Variants in MTHFD2L observed in about 807,000 individuals in gnomAD.
The protein encoded by MTHFD2L is bifunctional methylenetetrahydrofolate dehydrogenase/cyclohydrolase 2, mitochondrial.
MTHFD2L carries 29 observed loss-of-function variants against 34.9 expected under a neutral mutation model. The observed-to-expected ratio is 0.83, with a 90% CI of 0.62 to 1.13. MTHFD2L has a LOEUF of 1.13. MTHFD2L is among the 50% of genes most tolerant of loss of function. The probability of loss-of-function intolerance (pLI) is 0.00; values close to 1 mark genes in which losing one functional copy is unlikely to be tolerated. For missense variants in MTHFD2L, 481 were observed against 446.5 expected, an observed-to-expected ratio of 1.08 and a Z score of -0.70; for synonymous variants, 167 against 155.7, an observed-to-expected ratio of 1.07 and a Z score of -0.54.
At chr4:74,258,564 C>A (rs968151391) in intron 6 of MTHFD2L, among the ~76,000 whole-genome samples, 8 of 152,032 alleles carry the variant, frequency 5.3e-5, no homozygotes, top group Non-Finnish European at 1.2e-4. Context: ...GGACTAACTG[C>A]AGGACTTGAG....
intron 3 of MTHFD2L, among the ~76,000 whole-genome samples, chr4:74,185,369 A>G (rs1350984438): frequency 6.6e-6 from 1 of 152,042 alleles, no homozygotes; most frequent in Non-Finnish European, 1.5e-5. Context: ...CATATCTTAG[A>G]AAAGAAAAAA....
At chr4:74,284,142 C>T (rs930645927) in intron 7 of MTHFD2L, among the ~76,000 whole-genome samples, 17 of 151,982 alleles carry the variant, frequency 1.1e-4, no homozygotes, top group African/African-American at 3.4e-4. Flanking sequence ...TGGATGACCC[C>T]GTTAAAAGTA....
At chr4:74,164,654 A>G (rs1726264931) in intron 1 of MTHFD2L, among the ~76,000 whole-genome samples, 2 of 152,246 alleles carry the variant, frequency 1.3e-5, no homozygotes, top group Non-Finnish European at 2.9e-5. Flanking sequence ...TATTCCCATT[A>G]TATAGATGAA....
intron 6 of MTHFD2L, chr4:74,266,705 CTTTTG>C: frequency 3.9e-6 from 1 of 259,100 alleles, no homozygotes; most frequent in Non-Finnish European, 6.0e-6. Flanking sequence ...AAGTGCTAGG[CTTTTG>C]AAATCTTGAA....
At chr4:74,138,055 TTATA>T (rs375143419) in intron 1 of MTHFD2L, among the ~76,000 whole-genome samples, 1 of 149,598 alleles carries the variant, frequency 6.7e-6, no homozygotes. Flanking sequence ...TACATAAATT[TTATA>T]TATATATATA....
intron 1 of MTHFD2L, among the ~76,000 whole-genome samples, chr4:74,142,168 T>C (rs1321285518): frequency 6.6e-6 from 1 of 152,226 alleles, no homozygotes; most frequent in Non-Finnish European, 1.5e-5. Flanking sequence ...AGAGCATAGC[T>C]GCACTACAAA....
At chr4:74,187,115 A>C (rs1401614262) in intron 3 of MTHFD2L, among the ~76,000 whole-genome samples, 3 of 152,222 alleles carry the variant, frequency 2.0e-5, no homozygotes. Context: ...TCAAATGCAA[A>C]AGAATATCTA....
intron 6 of MTHFD2L, among the ~76,000 whole-genome samples, chr4:74,240,594 C>T (rs187616051): frequency 6.6e-6 from 1 of 152,200 alleles, no homozygotes; most frequent in African/African-American, 2.4e-5. Context: ...CACAGTCATG[C>T]ATACACACTC....
At chr4:74,262,405 A>G (rs1728366593) in intron 6 of MTHFD2L, among the ~76,000 whole-genome samples, 1 of 151,942 alleles carries the variant, frequency 6.6e-6, no homozygotes, top group African/African-American at 2.4e-5. Context: ...CTGGAGGTAT[A>G]TATATATAAT....
At chr4:74,148,119 C>T (rs1312777212) in intron 1 of MTHFD2L, among the ~76,000 whole-genome samples, 1 of 152,024 alleles carries the variant, frequency 6.6e-6, no homozygotes, top group Non-Finnish European at 1.5e-5. Flanking sequence ...ATTGAAAAGA[C>T]TACCTTTTCC....
chr4:74,223,883 T>C (rs1052635842), intron 5 of MTHFD2L, among the ~76,000 whole-genome samples: 6 of 152,138 alleles, frequency 3.9e-5, no homozygotes, highest in African/African-American at 1.4e-4. Flanking sequence ...TGTAGTCATC[T>C]ATTAAGTTAA....
intron 3 of MTHFD2L, 127 bp from the exon 4 acceptor site, chr4:74,199,667 A>G: frequency 1.4e-6 from 1 of 735,408 alleles, no homozygotes; most frequent in Non-Finnish European, 2.1e-6. Flanking sequence ...AATAATAATA[A>G]TAATGACTTT....
intron 3 of MTHFD2L, among the ~76,000 whole-genome samples, chr4:74,197,329 C>G (rs565207151): frequency 1.3e-5 from 2 of 152,124 alleles, no homozygotes; most frequent in Non-Finnish European, 2.9e-5. Context: ...CAGTCAGTCA[C>G]AAACAGGAAA....
chr4:74,116,382 C>A (rs931427163), intron 2 of MTHFD2L, among the ~76,000 whole-genome samples: 19 of 152,126 alleles, frequency 1.2e-4, no homozygotes, highest in African/African-American at 4.6e-4. Flanking sequence ...AAAAACATGA[C>A]TAGCTACTCC....
chr4:74,200,644 T>G (rs1340845430), intron 4 of MTHFD2L, among the ~76,000 whole-genome samples: 1 of 152,218 alleles, frequency 6.6e-6, no homozygotes, highest in Non-Finnish European at 1.5e-5. Flanking sequence ...GTTTTCTTTC[T>G]GAGAAAGAAA....
chr4:74,142,973 T>C (rs1012778212), intron 1 of MTHFD2L, among the ~76,000 whole-genome samples: 1 of 152,232 alleles, frequency 6.6e-6, no homozygotes, highest in African/African-American at 2.4e-5. Context: ...AGGTGTTGTC[T>C]GAAATCACCA....
At chr4:74,261,190 C>T (rs769053377) in intron 6 of MTHFD2L, among the ~76,000 whole-genome samples, 62 of 151,824 alleles carry the variant, frequency 4.1e-4, no homozygotes, top group Non-Finnish European at 7.8e-4. Flanking sequence ...TAAGAGGAGA[C>T]GAGGTGGTGT....
chr4:74,193,127 G>C (rs1252095465), intron 3 of MTHFD2L, among the ~76,000 whole-genome samples: 2 of 152,032 alleles, frequency 1.3e-5, no homozygotes, highest in Admixed American at 6.6e-5. Flanking sequence ...TTTCTGTGTA[G>C]TATGAAATAG....
intron 7 of MTHFD2L, 30 bp from the exon 8 acceptor site, chr4:74,301,667 G>T (rs1750344278): frequency 7.8e-7 from 1 of 1,283,080 alleles, no homozygotes; most frequent in Non-Finnish European, 1.1e-6. Flanking sequence ...TTAAAATAAA[G>T]AATATCTGTT....
Sources: gnomAD v4.1 joint callset for allele counts (sites outside exome capture counted in the v4.1 genomes callset) on GRCh38, gnomAD v4.1.1 for gene constraint, MANE v1.5 for transcripts, NCBI Gene and HGNC (gene_info 2026-07-23, HGNC 2026-07-21) for gene names.